CAP1: variants seen among roughly 807,000 people sequenced by gnomAD.
CAP1 encodes cyclase associated actin cytoskeleton regulatory protein 1, also known as adenylyl cyclase-associated protein 1.
CAP1 carries 11 observed loss-of-function variants against 58.2 expected under a neutral mutation model. The observed-to-expected ratio is 0.19, with a 90% CI of 0.12 to 0.31. The LOEUF (loss-of-function observed/expected upper bound fraction) is 0.31, where lower values mean the gene tolerates loss of function less well. Ranked by LOEUF, CAP1 falls within the 10% of genes least tolerant of loss-of-function variation. CAP1 has a pLI of 1.00. For missense variants in CAP1, 423 were observed against 587.5 expected, an observed-to-expected ratio of 0.72 and a Z score of 2.89; for synonymous variants, 183 against 213.8, an observed-to-expected ratio of 0.86 and a Z score of 1.26.
intron 1 of CAP1, among the ~76,000 whole-genome samples, chr1:40,042,947 T>TA (rs1283097940): frequency 7.2e-5 from 11 of 152,196 alleles, no homozygotes; most frequent in Non-Finnish European, 1.6e-4. Flanking sequence ...ACCATTCAGA[T>TA]AGAGAGTATG....
chr1:40,066,574 A>G (rs1647095068), intron 7 of CAP1, among the ~76,000 whole-genome samples: 1 of 152,250 alleles, frequency 6.6e-6, no homozygotes, highest in African/African-American at 2.4e-5. Flanking sequence ...CTGGAGCAGG[A>G]GACACACACA....
chr1:40,053,985 C>T (rs956417561), intron 1 of CAP1, among the ~76,000 whole-genome samples: 4 of 152,012 alleles, frequency 2.6e-5, no homozygotes, highest in South Asian at 2.1e-4. Context: ...CAGTGTGATT[C>T]GTGGCTGAGA....
At chr1:40,069,637 A>G in intron 8 of CAP1, 53 bp from the exon 9 acceptor site, 2 of 1,471,162 alleles carry the variant, frequency 1.4e-6, no homozygotes, top group South Asian at 1.2e-5. Flanking sequence ...TGACGATAGC[A>G]GCTCAAAGGT....
intron 7 of CAP1, 40 bp downstream of exon 7, chr1:40,066,360 TTCTC>T (rs778359394): frequency 1.1e-6 from 1 of 930,420 alleles, no homozygotes; most frequent in African/African-American, 1.7e-5. Context: ...CCCTCCCACT[TTCTC>T]TCTCCAGCAT....
At chr1:40,056,498 G>A (rs952200736) in intron 1 of CAP1, among the ~76,000 whole-genome samples, 1 of 152,166 alleles carries the variant, frequency 6.6e-6, no homozygotes, top group Non-Finnish European at 1.5e-5. Flanking sequence ...ATTTTGCCAT[G>A]TTGTCCAGGC....
chr1:40,063,513 C>T (rs1268983323), intron 4 of CAP1, among the ~76,000 whole-genome samples: 1 of 152,046 alleles, frequency 6.6e-6, no homozygotes, highest in African/African-American at 2.4e-5. Flanking sequence ...CAAAGTTGTG[C>T]TGTGTTGTTC....
At position 40,069,525 on chromosome 1, in the gene CAP1, G is replaced by C. The variant is rs572088178; in HGVS notation, c.809-165G>C. On this transcript the variant is annotated intron_variant, in intron 8 of 12. Coordinates refer to ENST00000372805, the MANE Select transcript of CAP1 (RefSeq NM_006367.4). ...ATGGAACCATATAATTTAATCTTGG[G>C]GAGAAGAGAAATGATAAAAGTACTT... 56 of 646,092 alleles carry C rather than the reference G, an allele frequency of 8.7e-5. No individual in the cohort carries two copies. In the Admixed American group the frequency reaches 1.0e-3, roughly 12 times the overall value. The allele number at this position is 646,092 out of a possible 1,614,324, so 40.0% of individuals were successfully genotyped here.
chr1:40,064,647 G>C (rs1329023131), intron 6 of CAP1, 88 bp downstream of exon 6: 3 of 964,364 alleles, frequency 3.1e-6, no homozygotes, highest in Non-Finnish European at 3.3e-6. Flanking sequence ...CACAATCACA[G>C]CTCATTGCAG....
At chr1:40,062,667 A>G (rs1222765126) in intron 4 of CAP1, among the ~76,000 whole-genome samples, 1 of 152,126 alleles carries the variant, frequency 6.6e-6, no homozygotes, top group Non-Finnish European at 1.5e-5. Context: ...TGAGAGGCTG[A>G]AATGGGAGGA....
chr1:40,050,283 C>T (rs113405069), intron 1 of CAP1, among the ~76,000 whole-genome samples: 1 of 151,560 alleles, frequency 6.6e-6, no homozygotes, highest in Admixed American at 6.6e-5. Context: ...ATATTCTGTA[C>T]AGCACTTAAT....
chr1:40,066,531 T>G (rs1336676189), intron 7 of CAP1, among the ~76,000 whole-genome samples: 2 of 152,196 alleles, frequency 1.3e-5, no homozygotes, highest in Admixed American at 1.3e-4. Context: ...TGGTATTCAA[T>G]TTCAATAAAT....
chr1:40,048,314 ATTACAGGCATGAGCCATTGCACCTGGCC>A (rs67502597), intron 1 of CAP1, among the ~76,000 whole-genome samples: 20,928 of 151,964 alleles, frequency 0.14, 1,693 homozygotes, highest in East Asian at 0.23. Context: ...AAGCGCTGGG[ATTACAGGCATGAGCCATTGCACCTGGCC>A]TTACAGGCAT....
Position 40,064,574 on chromosome 1 carries a change from T to C in CAP1, c.524+15T>C. On this transcript the variant is annotated intron_variant, in intron 6 of 12. Coordinates refer to ENST00000372805, the MANE Select transcript of CAP1 (RefSeq NM_006367.4). ...TACAAAGATGTGTAAGTTCAGCCTT[T>C]TCTCTCTTTTTTTCTTTTCTGAGAC... The C allele has an allele frequency of 6.3e-7, 1 of 1,594,762 alleles. No individual in the cohort carries two copies. Among genetic ancestry groups the C allele is most frequent in the African/African-American group, 1.3e-5 (1 of 74,604 alleles).
intron 4 of CAP1, among the ~76,000 whole-genome samples, chr1:40,062,649 C>T (rs569546393): frequency 2.0e-5 from 3 of 151,920 alleles, no homozygotes; most frequent in African/African-American, 7.2e-5. Context: ...CGTATAGTCC[C>T]AGCTACTTGA....
intron 1 of CAP1, among the ~76,000 whole-genome samples, 188 bp from the exon 2 acceptor site, chr1:40,059,149 T>C (rs1015665618): frequency 1.3e-5 from 2 of 152,192 alleles, no homozygotes; most frequent in African/African-American, 4.8e-5. Context: ...GTAAATATGC[T>C]ACTTTTTTAT....
intron 1 of CAP1, among the ~76,000 whole-genome samples, chr1:40,055,509 T>C (rs1646574086): frequency 6.6e-6 from 1 of 152,078 alleles, no homozygotes; most frequent in African/African-American, 2.4e-5. Context: ...TGGTGAAGTC[T>C]TGATATCCTT....
rs561478615 is a variant in CAP1, at chr1:40,043,003, G to C, written c.-11+2202G>C. On this transcript the variant is annotated intron_variant, in intron 1 of 12. Transcript: ENST00000372805. ...ACATGGGAAAAAATGCATTTTGAAT[G>C]TTTTTAGTTTGAGGTGTTTGTAGCA... Among the ~76,000 whole-genome samples, 7 of 152,220 alleles carry C rather than the reference G, an allele frequency of 4.6e-5. No homozygotes were observed. In the South Asian group the frequency reaches 1.2e-3, roughly 27 times the overall value.
intron 4 of CAP1, 64 bp downstream of exon 4, chr1:40,061,876 T>G: frequency 8.4e-7 from 1 of 1,194,670 alleles, no homozygotes; most frequent in Non-Finnish European, 1.3e-6. Context: ...GAGATTTATG[T>G]CAAGCTATTA....
chr1:40,052,907 G>A (rs1038510773), intron 1 of CAP1, among the ~76,000 whole-genome samples: 20 of 150,504 alleles, frequency 1.3e-4, no homozygotes, highest in African/African-American at 4.7e-4. Flanking sequence ...TGGCTAACAC[G>A]GTGAAACCCC....
Sources: gnomAD v4.1 joint callset for allele counts (sites outside exome capture counted in the v4.1 genomes callset) on GRCh38, gnomAD v4.1.1 for gene constraint, MANE v1.5 for transcripts, NCBI Gene and HGNC (gene_info 2026-07-23, HGNC 2026-07-21) for gene names.